Variants in NFATC4 observed in about 807,000 individuals in gnomAD.
The protein encoded by NFATC4 is nuclear factor of activated T cells 4, also known as nuclear factor of activated T-cells, cytoplasmic 4.
Under a neutral mutation model 73.4 loss-of-function variants are expected in NFATC4, and 25 were observed. The observed-to-expected ratio is 0.34, with a 90% CI of 0.25 to 0.48. The LOEUF is 0.48. Ranked by LOEUF, NFATC4 falls within the 20% of genes least tolerant of loss-of-function variation. The probability of loss-of-function intolerance (pLI) is 0.99; values close to 1 mark genes in which losing one functional copy is unlikely to be tolerated. For synonymous variants in NFATC4, 523 were observed against 510.3 expected, an observed-to-expected ratio of 1.02 and a Z score of -0.34; for missense variants, 1,130 against 1,203.7, an observed-to-expected ratio of 0.94 and a Z score of 0.91.
intron 1 of NFATC4, chr14:24,368,992 G>A (rs2139276210): frequency 8.8e-7 from 1 of 1,136,112 alleles, no homozygotes; most frequent in Non-Finnish European, 1.1e-6. Flanking sequence ...TCACCCCCTC[G>A]GCTGCACCTC....
intron 2 of NFATC4, 68 bp downstream of exon 2, chr14:24,370,662 A>G (rs568364142): frequency 2.0e-6 from 3 of 1,538,378 alleles, no homozygotes; most frequent in African/African-American, 2.7e-5. Context: ...GGGTCAAGGG[A>G]TGGATTTGAA....
chr14:24,368,863 T>G, intron 1 of NFATC4: 1 of 174,818 alleles, frequency 5.7e-6, no homozygotes, highest in Non-Finnish European at 1.1e-5. Context: ...CCCCTCCCCC[T>G]CCCCCGTCTG....
intron 1 of NFATC4, 44 bp downstream of exon 1, chr14:24,368,484 G>A (rs777577960): frequency 4.1e-5 from 51 of 1,254,044 alleles, no homozygotes; most frequent in Non-Finnish European, 6.0e-6. Context: ...AGTGAGAGGA[G>A]GGCCGGGGAT....
In NFATC4 at chr14:24,377,984, T is replaced by TAGA; in HGVS notation, c.*280_*282dup. ...GAATGGACTGGAGTGAAGGCGTGTC[T>TAGA]AGAGTGTGGGCTGGCTGTTGTGCTG... is the stretch of plus-strand genomic sequence containing the variant. On this transcript the variant is annotated 3_prime_UTR_variant, in exon 10 of 10. Transcript: ENST00000250373. The surrounding 1 kb of genome is among the most constrained non-coding windows in gnomAD (Gnocchi z 4.2). The TAGA allele has an allele frequency of 1.7e-6, 1 of 578,358 alleles. No individual in the cohort carries two copies. Among genetic ancestry groups the TAGA allele is most frequent in the East Asian group, 3.1e-5 (1 of 31,786 alleles). 35.8% of individuals were successfully genotyped at this position (578,358 alleles called of 1,614,324 possible).
chr14:24,376,624 G>T lies in NFATC4; in HGVS notation c.2387G>T (p.Gly796Val). Residue 796 changes from glycine to valine, a missense_variant, in exon 9 of 10, where the codon GGC becomes GTC. Around this residue, in one of 3 missense-constraint regions of NFATC4, gnomAD observed 390 missense variants for 408.1 expected, o/e 0.96. Coordinates refer to ENST00000250373, the MANE Select transcript of NFATC4 (RefSeq NM_004554.5). This position sits in a 1 kb window ranked among gnomAD's most constrained non-coding sequence, Gnocchi z 5.0. ...PFPSDPYGGRGSSFSLGLPFS... is the reference protein window; with the variant it reads ...PFPSDPYGGRVSSFSLGLPFS... ...CCTAGTGACCCGTATGGAGGGCGGG[G>T]CTCCTCTTTCTCCCTGGGGCTGCCA... 1 of 1,613,534 alleles carries T rather than the reference G, an allele frequency of 6.2e-7. No individual in the cohort carries two copies. Among genetic ancestry groups the T allele is most frequent in the Non-Finnish European group, 8.5e-7 (1 of 1,179,846 alleles).
In NFATC4 at chr14:24,369,878, C is replaced by T. The variant is rs985576321; in HGVS notation, c.480C>T (p.Gly160=). The T allele has an allele frequency of 1.3e-5, 21 of 1,610,544 alleles. No homozygotes were observed. The highest frequency in any genetic ancestry group is 1.5e-5 in the Non-Finnish European group (18 of 1,178,908). The change falls in exon 2 of 10, where the codon GGC becomes GGT. Residue 160 remains glycine, a synonymous_variant. Transcript: ENST00000250373. ...EGFGGYREAG[G]QGGGAFFSPS... is the part of the protein sequence containing the mutation. ...TTGGGGGCTACAGAGAAGCAGGGGG[C>T]CAGGGTGGGGGGGCCTTCTTCAGCC...
chr14:24,374,217 G>A (rs559924353), intron 5 of NFATC4, 109 bp from the exon 6 acceptor site: 6 of 1,332,964 alleles, frequency 4.5e-6, no homozygotes, highest in East Asian at 2.4e-5. Context: ...TACTGCTGAG[G>A]AGGGCTCCCT....
chr14:24,379,402 G>T lies in NFATC4; in HGVS notation c.*1697G>T, dbSNP rs919659646. ...ACCACCTCTAAGATCTCTGAGAGAG[G>T]GTGGATCAGCCTCTGTGTAAACAAA... is the stretch of plus-strand genomic sequence containing the variant. On this transcript the variant is annotated 3_prime_UTR_variant, in exon 10 of 10. Transcript: ENST00000250373. The T allele has an allele frequency of 6.6e-6, 1 of 152,122 alleles. No homozygotes were observed. Among genetic ancestry groups the T allele is most frequent in the Admixed American group, 6.6e-5 (1 of 15,266 alleles). The allele number at this position is 152,122 out of a possible 1,614,324, so 9.4% of individuals were successfully genotyped here.
intron 1 of NFATC4, 185 bp from the exon 2 acceptor site, chr14:24,369,314 T>C (rs1263406937): frequency 6.3e-7 from 1 of 1,585,778 alleles, no homozygotes; most frequent in Non-Finnish European, 8.5e-7. Context: ...AGGCCTGGCA[T>C]GCCTGCTTCA....
At chr14:24,375,759 G>GGGGGGCCC in intron 7 of NFATC4, 44 bp downstream of exon 7, 1 of 617,000 alleles carries the variant, frequency 1.6e-6, no homozygotes, top group South Asian at 1.5e-5. Context: ...GGGGGTGGGA[G>GGGGGGCCC]AAGGCAGGGG....
At chr14:24,371,653 G>C (rs1404726835) in intron 2 of NFATC4, 1 of 152,590 alleles carries the variant, frequency 6.6e-6, no homozygotes, top group Non-Finnish European at 1.5e-5. Flanking sequence ...CTCAGTCCTA[G>C]GTCTGTCAGT....
chr14:24,369,774 G>A lies in NFATC4; in HGVS notation c.376G>A (p.Glu126Lys), dbSNP rs1451151049. Residue 126 changes from glutamate to lysine, a missense_variant, in exon 2 of 10, where the codon GAG becomes AAG. Physicochemically the swap from Glu to Lys is moderately conservative, Grantham distance 56 (BLOSUM62 1). Transcript: ENST00000250373. ...IRITSISPTP[E>K]PPAALEDNPD... ...CATCACCTCCATCTCTCCCACGCCG[G>A]AGCCGCCAGCAGCGCTGGAGGACAA... The A allele has an allele frequency of 6.3e-7, 1 of 1,597,550 alleles. No individual in the cohort carries two copies. The highest frequency in any genetic ancestry group is 8.5e-7 in the Non-Finnish European group (1 of 1,172,200).
In NFATC4 at chr14:24,377,247, C is replaced by A; in HGVS notation, c.2641+369C>A. On this transcript the variant is annotated intron_variant, in intron 9 of 9. Coordinates refer to ENST00000250373, the MANE Select transcript of NFATC4 (RefSeq NM_004554.5). The surrounding 1 kb of genome is among the most constrained non-coding windows in gnomAD (Gnocchi z 4.2). ...CTTGCTGAGGTCCCAGTCAAGCACA[C>A]TTGCCATTGCCTCAGCTTTCCCCTA... is the stretch of plus-strand genomic sequence containing the variant. 8.0e-7 allele frequency: 1 copy of A among 1,251,180 alleles called. No individual in the cohort carries two copies. Among genetic ancestry groups the A allele is most frequent in the South Asian group, 3.1e-5 (1 of 32,676 alleles). The allele number at this position is 1,251,180 out of a possible 1,614,324, so 77.5% of individuals were successfully genotyped here.
In NFATC4 at chr14:24,369,351, T is replaced by C. The variant is rs537893669; in HGVS notation, c.101-148T>C. 199 of 1,598,818 alleles carry C rather than the reference T, an allele frequency of 1.2e-4. No individual in the cohort carries two copies. In the East Asian group the frequency reaches 4.2e-3, roughly 34 times the overall value. ...TCTCCTCCATCTTCCCAGGTCCAAC[T>C]CTGCTTTTGTCTTGTGGCTCAGAAG... On this transcript the variant is annotated intron_variant, in intron 1 of 9. Transcript: ENST00000250373.
intron 2 of NFATC4, 103 bp downstream of exon 2, chr14:24,370,697 T>A (rs1296210321): frequency 2.1e-6 from 3 of 1,454,268 alleles, no homozygotes; most frequent in East Asian, 4.7e-5. Flanking sequence ...GCCCTCTGAA[T>A]TTCAAAAGAG....
Position 24,373,816 on chromosome 14 carries a change from G to A in NFATC4, c.1681G>A (p.Gly561Ser). The A allele has an allele frequency of 1.9e-6, 3 of 1,614,098 alleles. No individual in the cohort carries two copies. The change falls in exon 5 of 10, where the codon GGC (glycine) becomes AGC (serine). Residue 561 changes from glycine (G) to serine (S), a missense_variant. By Grantham distance (56) the Gly-to-Ser change is moderately conservative. Around this residue, in one of 3 missense-constraint regions of NFATC4, gnomAD observed 155 missense variants for 221.2 expected, o/e 0.70. Transcript: ENST00000250373. The surrounding 1 kb of genome is among the most constrained non-coding windows in gnomAD (Gnocchi z 4.7). ...RLVFRVHVPQGGGKVVSVQAA... is the reference protein window; with the variant it reads ...RLVFRVHVPQSGGKVVSVQAA... Reference sequence around the variant, plus strand: ...GGTGTTCCGGGTACACGTGCCCCAGGGCGGCGGGAAGGTCGTCTCAGTACA... The same window carrying A: ...GGTGTTCCGGGTACACGTGCCCCAGAGCGGCGGGAAGGTCGTCTCAGTACA...
chr14:24,374,250 CA>C lies in NFATC4; in HGVS notation c.1733-73del. On this transcript the variant is annotated intron_variant, in intron 5 of 9. Transcript: ENST00000250373. ...CCTCAGAGCCCTGTGGCAGTTTTCC[CA>C]AAGAGGGTGGGGACAGAGGAGGCCA... 5 of 1,529,792 alleles carry C rather than the reference CA, an allele frequency of 3.3e-6. No individual in the cohort carries two copies. The Admixed American group carries it at 1.0e-4, about 31-fold the overall frequency. 94.8% of individuals were successfully genotyped at this position (1,529,792 alleles called of 1,614,324 possible).
At chr14:24,372,624 C>T (rs2042503796) in intron 3 of NFATC4, 21 bp downstream of exon 3, 1 of 1,613,570 alleles carries the variant, frequency 6.2e-7, no homozygotes, top group East Asian at 2.2e-5. Context: ...GACAGCAGGC[C>T]TGATATCCTC....
In NFATC4 at chr14:24,377,556, C is replaced by A. The variant is rs2042658959; in HGVS notation, c.2642-82C>A. 1.0e-5 allele frequency: 16 copies of A among 1,606,776 alleles called. No individual in the cohort carries two copies. Among genetic ancestry groups the A allele is most frequent in the Non-Finnish European group, 1.4e-5 (16 of 1,175,972 alleles). Reference sequence around the variant, plus strand: ...TAGAGGCCTCCTAGATTAAGACCTGCCTGGAATGGATTGGGGGTGGGTCTT... The same window carrying A: ...TAGAGGCCTCCTAGATTAAGACCTGACTGGAATGGATTGGGGGTGGGTCTT... On this transcript the variant is annotated intron_variant, in intron 9 of 9. Transcript: ENST00000250373. This position sits in a 1 kb window ranked among gnomAD's most constrained non-coding sequence, Gnocchi z 4.2.
Sources: allele counts gnomAD v4.1 joint callset, GRCh38; gene constraint gnomAD v4.1.1; regional missense constraint gnomAD v4.1.1; non-coding constraint Gnocchi (gnomAD v3.1); transcripts MANE v1.5; gene names NCBI Gene and HGNC (gene_info 2026-07-23, HGNC 2026-07-21).